The following CSMD1 variants were observed in gnomAD, a reference collection of about 807,000 sequenced individuals.
CSMD1 encodes CUB and sushi domain-containing protein 1.
In CSMD1, 213 loss-of-function variants were observed where a neutral mutation model predicts 417.5. That is an observed-to-expected ratio of 0.51 (90% CI 0.46 to 0.57). CSMD1 has a LOEUF of 0.57. Among genes scored for constraint, CSMD1 ranks in the 20% least tolerant of loss-of-function variants. CSMD1 has a pLI of 0.00. For missense variants in CSMD1, 6,923 were observed against 4,529.7 expected, an observed-to-expected ratio of 1.53 and a Z score of -15.17; for synonymous variants, 2,862 against 1,736.8, an observed-to-expected ratio of 1.65 and a Z score of -16.11.
chr8:3,141,877 A>C (rs1162056449), intron 41 of CSMD1, among the ~76,000 whole-genome samples: 3 of 150,418 alleles, frequency 2.0e-5, no homozygotes, highest in Non-Finnish European at 4.4e-5. Flanking sequence ...TCCTCACTGC[A>C]AGCTCCGCCT....
At chr8:3,180,622 T>C (rs73183569) in intron 37 of CSMD1, among the ~76,000 whole-genome samples, 1 of 152,040 alleles carries the variant, frequency 6.6e-6, no homozygotes, top group Non-Finnish European at 1.5e-5. Context: ...TCTCTCATAA[T>C]GTATATTTCT....
chr8:3,621,826 C>G (rs985492370), intron 7 of CSMD1, among the ~76,000 whole-genome samples: 1 of 151,778 alleles, frequency 6.6e-6, no homozygotes, highest in Non-Finnish European at 1.5e-5. Flanking sequence ...CCAGGCTGGT[C>G]TCAAACTCCT....
chr8:3,318,132 C>G (rs538294556), intron 23 of CSMD1, among the ~76,000 whole-genome samples: 8 of 152,312 alleles, frequency 5.3e-5, no homozygotes, highest in African/African-American at 1.9e-4. Context: ...ATTATGATTT[C>G]TTTCCTGATG....
At chr8:4,613,511 C>T (rs1162924271) in intron 2 of CSMD1, among the ~76,000 whole-genome samples, 4 of 152,196 alleles carry the variant, frequency 2.6e-5, no homozygotes, top group South Asian at 4.1e-4. Flanking sequence ...GTGTGGCAGG[C>T]TCTCATCAGA....
At chr8:4,872,869 C>A (rs540044138) in intron 1 of CSMD1, among the ~76,000 whole-genome samples, 1 of 152,174 alleles carries the variant, frequency 6.6e-6, no homozygotes, top group South Asian at 2.1e-4. Context: ...TTGGCTCATA[C>A]TGGAGTAGTA....
chr8:3,621,733 C>T (rs1377405044), intron 7 of CSMD1, among the ~76,000 whole-genome samples: 4 of 151,820 alleles, frequency 2.6e-5, no homozygotes, highest in African/African-American at 9.7e-5. Context: ...GTGCATGCCA[C>T]CACTCCCAGC....
chr8:3,041,145 A>T (rs1347346316), intron 50 of CSMD1, among the ~76,000 whole-genome samples: 1 of 152,214 alleles, frequency 6.6e-6, no homozygotes, highest in East Asian at 1.9e-4. Flanking sequence ...GAATTACATG[A>T]AATTGATGTC....
chr8:4,935,470 A>G (rs1038126772), intron 1 of CSMD1, among the ~76,000 whole-genome samples: 1 of 152,268 alleles, frequency 6.6e-6, no homozygotes, highest in African/African-American at 2.4e-5. Flanking sequence ...GAAATCAGAA[A>G]CTAAGTCTTT....
At chr8:3,571,282 C>A (rs546232656) in intron 10 of CSMD1, among the ~76,000 whole-genome samples, 46 of 152,310 alleles carry the variant, frequency 3.0e-4, no homozygotes, top group African/African-American at 1.0e-3. Flanking sequence ...TGTGCCTCTG[C>A]CCATTCCATG....
chr8:3,116,781 A>G (rs10094083), intron 42 of CSMD1, among the ~76,000 whole-genome samples: 2,419 of 152,258 alleles, frequency 0.016, 61 homozygotes, highest in African/African-American at 0.054. Flanking sequence ...GCCAGAGTCT[A>G]CCATTTACAT....
At chr8:3,411,362 CTTTTCT>C (rs1812688554) in intron 12 of CSMD1, among the ~76,000 whole-genome samples, 1 of 147,366 alleles carries the variant, frequency 6.8e-6, no homozygotes. Context: ...ACTTCCTTTC[CTTTTCT>C]TTATTTCCAT....
At chr8:4,744,978 A>G (rs1186896482) in intron 1 of CSMD1, among the ~76,000 whole-genome samples, 2 of 152,198 alleles carry the variant, frequency 1.3e-5, no homozygotes, top group African/African-American at 4.8e-5. Context: ...CACATTTGAA[A>G]ACATACACTT....
At chr8:3,267,756 C>A (rs1390042253) in intron 26 of CSMD1, among the ~76,000 whole-genome samples, 1 of 152,160 alleles carries the variant, frequency 6.6e-6, no homozygotes, top group Admixed American at 6.5e-5. Flanking sequence ...TACATGCCTC[C>A]CACAGCAGCT....
chr8:3,271,846 G>C (rs1329410979), intron 26 of CSMD1, among the ~76,000 whole-genome samples: 1 of 152,092 alleles, frequency 6.6e-6, no homozygotes, highest in Admixed American at 6.6e-5. Flanking sequence ...TGTCAGATGA[G>C]TAGGTTGTGA....
At chr8:3,980,280 C>G (rs189227415) in intron 5 of CSMD1, among the ~76,000 whole-genome samples, 1 of 152,260 alleles carries the variant, frequency 6.6e-6, no homozygotes, top group East Asian at 1.9e-4. Context: ...AGCATTGTAT[C>G]CGACCACAGC....
rs1007192948 is a variant in CSMD1 at position 4,312,422 on chromosome 8, C to T, written c.415+107531G>A. Among the ~76,000 whole-genome samples, 30 of 102,528 alleles carry T rather than the reference C, an allele frequency of 2.9e-4. 2 individuals carry two copies. The highest frequency in any genetic ancestry group is 7.9e-4 in the East Asian group (4 of 5,062). The allele number at this position is 102,528 out of a possible 152,430, so 67.3% of individuals were successfully genotyped here. A position where few individuals can be genotyped will look rare whatever the true frequency, so the allele number is the denominator to read the frequency against. ...ACATATATATGCGTGTATATATATG[C>T]GCGTATATATATATGCGTATATATA... On this transcript the variant is annotated intron_variant, in intron 3 of 69. Coordinates refer to ENST00000635120, the MANE Select transcript of CSMD1 (RefSeq NM_033225.6).
intron 3 of CSMD1, among the ~76,000 whole-genome samples, chr8:4,307,059 T>A (rs991876387): frequency 8.5e-5 from 13 of 152,078 alleles, no homozygotes; most frequent in Non-Finnish European, 7.3e-5. Flanking sequence ...GGTATCCTCA[T>A]CACAACCCTG....
chr8:4,918,155 A>G (rs1806194877), intron 1 of CSMD1, among the ~76,000 whole-genome samples: 1 of 152,234 alleles, frequency 6.6e-6, no homozygotes, highest in African/African-American at 2.4e-5. Context: ...TTTGAATGGA[A>G]TCCCGTGTTG....
chr8:3,572,416 G>T (rs1585390208), intron 10 of CSMD1, among the ~76,000 whole-genome samples: 2 of 152,138 alleles, frequency 1.3e-5, no homozygotes, highest in Admixed American at 1.3e-4. Context: ...GGCAGCAGAC[G>T]CAGGGAGCTT....
Sources: allele counts gnomAD v4.1 joint callset (sites outside exome capture counted in the v4.1 genomes callset), GRCh38; gene constraint gnomAD v4.1.1; transcripts MANE v1.5; gene names NCBI Gene and HGNC (gene_info 2026-07-23, HGNC 2026-07-21).